The following KCNAB1 variants were observed in gnomAD, a reference collection of about 807,000 sequenced individuals.
KCNAB1 encodes the protein voltage-gated potassium channel subunit beta-1.
In KCNAB1, 35 loss-of-function variants were observed where a neutral mutation model predicts 64.6. The ratio of observed to expected loss-of-function variants is 0.54; its 90% CI spans 0.41 to 0.72. The LOEUF (loss-of-function observed/expected upper bound fraction) is 0.72, where lower values mean the gene tolerates loss of function less well. Ranked by LOEUF, KCNAB1 falls within the 30% of genes least tolerant of loss-of-function variation. The pLI, the probability that KCNAB1 is intolerant of heterozygous loss-of-function variation, is 0.00. For synonymous variants in KCNAB1, 177 were observed against 183.8 expected (o/e 0.96, Z 0.30); for missense variants, 401 against 512.9 (o/e 0.78, Z 2.11).
At chr3:156,419,179 T>C (rs1715292526) in intron 1 of KCNAB1, among the ~76,000 whole-genome samples, 1 of 152,174 alleles carries the variant, frequency 6.6e-6, no homozygotes, top group South Asian at 2.1e-4. Flanking sequence ...CCCAGTGATA[T>C]AACTTTGCCT....
intron 3 of KCNAB1, among the ~76,000 whole-genome samples, chr3:156,454,319 T>A (rs550566407): frequency 6.6e-6 from 1 of 152,168 alleles, no homozygotes; most frequent in Non-Finnish European, 1.5e-5. Flanking sequence ...CATGGGGATC[T>A]CCAAAGCTGA....
intron 1 of KCNAB1, among the ~76,000 whole-genome samples, chr3:156,123,178 A>G (rs957287976): frequency 2.6e-5 from 4 of 152,238 alleles, no homozygotes; most frequent in African/African-American, 7.2e-5. Context: ...AACTTATAAA[A>G]TATTAACAAA....
At chr3:156,333,973 C>G (rs891594749) in intron 1 of KCNAB1, among the ~76,000 whole-genome samples, 27 of 151,986 alleles carry the variant, frequency 1.8e-4, no homozygotes, top group Non-Finnish European at 1.5e-5. Flanking sequence ...TTTTAGATAT[C>G]AGGCAGAAAA....
chr3:156,486,994 A>G (rs570122733), intron 8 of KCNAB1, among the ~76,000 whole-genome samples: 1 of 152,132 alleles, frequency 6.6e-6, no homozygotes, highest in South Asian at 2.1e-4. Flanking sequence ...TAGGAGATTT[A>G]AAAAAATTAA....
chr3:156,528,187 AAGAG>A (rs71624596), intron 12 of KCNAB1, among the ~76,000 whole-genome samples: 1 of 151,152 alleles, frequency 6.6e-6, no homozygotes, highest in Non-Finnish European at 1.5e-5. Context: ...AAAAAAAAAA[AAGAG>A]AGAGAAAGAT....
At chr3:156,467,531 A>G (rs1444550666) in intron 7 of KCNAB1, among the ~76,000 whole-genome samples, 4 of 152,130 alleles carry the variant, frequency 2.6e-5, no homozygotes, top group African/African-American at 7.2e-5. Flanking sequence ...ATCCCATCCT[A>G]GAGTCTGACA....
At chr3:156,416,824 G>A (rs1393758168) in intron 1 of KCNAB1, among the ~76,000 whole-genome samples, 2 of 152,166 alleles carry the variant, frequency 1.3e-5, no homozygotes, top group Non-Finnish European at 2.9e-5. Flanking sequence ...GGATCATCGG[G>A]TGTTTTATTT....
At chr3:156,524,619 T>C (rs537497838) in intron 12 of KCNAB1, among the ~76,000 whole-genome samples, 374 of 151,352 alleles carry the variant, frequency 2.5e-3, no homozygotes, top group South Asian at 4.8e-3. Context: ...TGGTGGTGGG[T>C]GCCTGTAGTC....
At chr3:156,464,177 T>C (rs1448910873) in intron 6 of KCNAB1, among the ~76,000 whole-genome samples, 2 of 152,174 alleles carry the variant, frequency 1.3e-5, no homozygotes, top group African/African-American at 4.8e-5. Flanking sequence ...TGATCATTTC[T>C]GCAGAGGGCT....
At chr3:156,463,408 G>A (rs903786558) in intron 5 of KCNAB1, among the ~76,000 whole-genome samples, 1 of 151,920 alleles carries the variant, frequency 6.6e-6, no homozygotes, top group Admixed American at 6.6e-5. Context: ...TTGCTATGTC[G>A]ACATGGGCTT....
chr3:156,325,506 C>G (rs6441059), intron 1 of KCNAB1, among the ~76,000 whole-genome samples: 17,410 of 151,882 alleles, frequency 0.11, 3,196 homozygotes, highest in African/African-American at 0.39. Context: ...ATTAAGTAAA[C>G]AAAATAACTT....
intron 12 of KCNAB1, among the ~76,000 whole-genome samples, chr3:156,526,469 A>C (rs534470274): frequency 7.8e-4 from 119 of 152,346 alleles, no homozygotes; most frequent in Non-Finnish European, 1.5e-3. Context: ...AAAAATTGAG[A>C]TATTTTACTT....
At chr3:156,342,585 C>CTTTTTTTTTTTTTTTTTTTTTATTT (rs1724195610) in intron 1 of KCNAB1, among the ~76,000 whole-genome samples, 1 of 86,254 alleles carries the variant, frequency 1.2e-5, no homozygotes, top group Non-Finnish European at 2.5e-5. Context: ...CTATGTGTTT[C>CTTTTTTTTTTTTTTTTTTTTTATTT]TTTTTTTTTT....
In KCNAB1 at chr3:156,160,003, C is replaced by T. The variant is rs114916165; in HGVS notation, c.275+39117C>T. Among the ~76,000 whole-genome samples the T allele has an allele frequency of 7.7e-3, 1,180 of 152,324 alleles. 23 individuals are homozygous for T. Among genetic ancestry groups the T allele is most frequent in the African/African-American group, 0.027 (1,110 of 41,570 alleles). The stretch of plus-strand genomic sequence containing the variant: ...AGAGTCTGGCATAATACATATAATA[C>T]TGCTTTTAAAAACACAGTCATAACA... On this transcript the variant is annotated intron_variant, in intron 1 of 13. Transcript: ENST00000490337.
chr3:156,487,940 G>A (rs987744024), intron 8 of KCNAB1, among the ~76,000 whole-genome samples: 1 of 151,968 alleles, frequency 6.6e-6, no homozygotes, highest in African/African-American at 2.4e-5. Context: ...ATGAAATTTT[G>A]TTTCTCTCAT....
intron 4 of KCNAB1, among the ~76,000 whole-genome samples, chr3:156,458,689 A>G (rs1712646060): frequency 6.6e-6 from 1 of 152,094 alleles, no homozygotes; most frequent in African/African-American, 2.4e-5. Flanking sequence ...TCTGCCTTCT[A>G]CCCCTTTCCA....
chr3:156,416,133 C>G (rs189370792), intron 1 of KCNAB1, among the ~76,000 whole-genome samples: 1 of 152,182 alleles, frequency 6.6e-6, no homozygotes, highest in Non-Finnish European at 1.5e-5. Flanking sequence ...TCCACTAAAT[C>G]CGATTTCAAG....
chr3:156,290,613 G>A (rs907706886), intron 1 of KCNAB1, among the ~76,000 whole-genome samples: 1 of 152,136 alleles, frequency 6.6e-6, no homozygotes, highest in Non-Finnish European at 1.5e-5. Flanking sequence ...CTGCCCACCT[G>A]ACCTGGAGAC....
chr3:156,356,127 AAAAAAAAAG>A lies in KCNAB1; in HGVS notation c.276-65485_276-65477del, dbSNP rs1248996723. Among the ~76,000 whole-genome samples the A allele has an allele frequency of 3.8e-4, 57 of 151,278 alleles. 2 individuals are homozygous for A. Among genetic ancestry groups the A allele is most frequent in the African/African-American group, 1.4e-3 (57 of 41,136 alleles). Reference sequence around the variant, plus strand: ...ACAGAGTGGGACCCTGTAAAAAAAAAAAAAAAAAGAAAGAAAAGAAAAGAAAGAGAGAGA... The same window carrying A: ...ACAGAGTGGGACCCTGTAAAAAAAAAAAAGAAAAGAAAAGAAAGAGAGAGA... On this transcript the variant is annotated intron_variant, in intron 1 of 13. Coordinates refer to ENST00000490337, the MANE Select transcript of KCNAB1 (RefSeq NM_172160.3).
Sources: gnomAD v4.1 joint callset for allele counts (sites outside exome capture counted in the v4.1 genomes callset) on GRCh38, gnomAD v4.1.1 for gene constraint, MANE v1.5 for transcripts, NCBI Gene and HGNC (gene_info 2026-07-23, HGNC 2026-07-21) for gene names.